The following LRP6 variants were observed in gnomAD, a reference collection of about 807,000 sequenced individuals.
The protein encoded by LRP6 is low-density lipoprotein receptor-related protein 6.
A neutral mutation model predicts 184.1 loss-of-function variants in LRP6; 43 were observed. The observed-to-expected ratio is 0.23, with a 90% CI of 0.18 to 0.30. LRP6 has a LOEUF of 0.30. Ranked by LOEUF, LRP6 falls within the 10% of genes least tolerant of loss-of-function variation. The probability of loss-of-function intolerance (pLI) is 1.00; values close to 1 mark genes in which losing one functional copy is unlikely to be tolerated. For synonymous variants in LRP6, 719 were observed against 684.9 expected (o/e 1.05, Z -0.78); for missense variants, 1,571 against 2,005.3 (o/e 0.78, Z 4.14).
chr12:12,248,471 C>CTTTTTT lies in LRP6; in HGVS notation c.56-3822_56-3817dup, dbSNP rs71061030. Among the ~76,000 whole-genome samples, 31 of 62,794 alleles carry CTTTTTT rather than the reference C, an allele frequency of 4.9e-4. 1 individual carries two copies. The highest frequency in any genetic ancestry group is 1.2e-3 in the African/African-American group (21 of 17,156). The allele number at this position is 62,794 out of a possible 152,430, so 41.2% of individuals were successfully genotyped here. On this transcript the variant is annotated intron_variant, in intron 1 of 22. Coordinates refer to ENST00000261349, the MANE Select transcript of LRP6 (RefSeq NM_002336.3). Reference sequence around the variant, plus strand: ...CAGTGGTCTTTTCTCAGTCTTTACTCTTTTTTTTTTTTTTTTTTTTTTTTT... The same window carrying CTTTTTT: ...CAGTGGTCTTTTCTCAGTCTTTACTCTTTTTTTTTTTTTTTTTTTTTTTTTTTTTTT...
chr12:12,258,304 G>A (rs1167404271), intron 1 of LRP6, among the ~76,000 whole-genome samples: 3 of 152,042 alleles, frequency 2.0e-5, no homozygotes, highest in African/African-American at 7.3e-5. Context: ...TTTTATAGAT[G>A]TTTCCCAGGC....
At chr12:12,209,082 T>C (rs1203839837) in intron 2 of LRP6, among the ~76,000 whole-genome samples, 2 of 152,238 alleles carry the variant, frequency 1.3e-5, no homozygotes, top group African/African-American at 4.8e-5. Context: ...CTCTGCGCCG[T>C]GTGTGCAACA....
intron 3 of LRP6, among the ~76,000 whole-genome samples, chr12:12,195,206 G>A (rs548183191): frequency 4.6e-5 from 7 of 152,168 alleles, no homozygotes; most frequent in African/African-American, 1.7e-4. Flanking sequence ...TTTCCTTTGG[G>A]TAAATGCCAA....
chr12:12,225,219 G>C (rs181526079), intron 2 of LRP6, among the ~76,000 whole-genome samples: 3 of 152,230 alleles, frequency 2.0e-5, no homozygotes, highest in African/African-American at 7.2e-5. Flanking sequence ...CCTGGCCGGG[G>C]TGGACGCAGT....
chr12:12,156,187 A>C (rs1172900131), intron 12 of LRP6, among the ~76,000 whole-genome samples: 2 of 152,230 alleles, frequency 1.3e-5, no homozygotes, highest in Admixed American at 6.5e-5. Context: ...GCATAATTTT[A>C]ATTTTAAATA....
rs75652793 is a variant in LRP6, at chr12:12,184,605, G to A, written c.845-494C>T. 3.0e-3 allele frequency among the ~76,000 whole-genome samples: 464 copies of A among 152,264 alleles called. 3 individuals are homozygous for A. Among genetic ancestry groups the A allele is most frequent in the African/African-American group, 0.011 (437 of 41,552 alleles). On this transcript the variant is annotated intron_variant, in intron 4 of 22. Transcript: ENST00000261349. ...AAGCTATCTGAATAAAACTTTGGGG[G>A]CTATAAACTGGGTAAGATATTAAGG... is the stretch of plus-strand genomic sequence containing the variant.
intron 2 of LRP6, among the ~76,000 whole-genome samples, chr12:12,237,176 A>C (rs1054961323): frequency 6.6e-6 from 1 of 152,212 alleles, no homozygotes; most frequent in Admixed American, 6.5e-5. Context: ...TATTAGAACA[A>C]AAGATGCACC....
intron 15 of LRP6, among the ~76,000 whole-genome samples, chr12:12,146,483 C>G (rs1950008230): frequency 6.6e-6 from 1 of 152,050 alleles, no homozygotes; most frequent in Non-Finnish European, 1.5e-5. Context: ...AAATTGGGGA[C>G]AGAGGAGGTA....
At position 12,121,370 on chromosome 12, in the gene LRP6, C is replaced by T; in HGVS notation, c.4598G>A (p.Ser1533Asn). 2 of 1,614,066 alleles carry T rather than the reference C, an allele frequency of 1.2e-6. No individual in the cohort carries two copies. The highest frequency in any genetic ancestry group is 1.7e-6 in the Non-Finnish European group (2 of 1,180,020). ...ATAGTCACTGTCACAAACATCTGTG[C>T]TGCAGGGTGTGGTGGGGGGTGCAAA... is the stretch of plus-strand genomic sequence containing the variant. ...RHFAPPTTPCSTDVCDSDYAP... is the reference protein window; with the variant it reads ...RHFAPPTTPCNTDVCDSDYAP... The change falls in exon 23 of 23, where the codon AGC becomes AAC. Residue 1533 changes from serine (S) to asparagine (N), a missense_variant. Transcript: ENST00000261349.
At chr12:12,212,474 C>A (rs1267850281) in intron 2 of LRP6, among the ~76,000 whole-genome samples, 2 of 152,192 alleles carry the variant, frequency 1.3e-5, no homozygotes, top group Non-Finnish European at 2.9e-5. Context: ...CTCTAGCCAA[C>A]AACTGCTCGG....
Position 12,211,621 on chromosome 12 carries a change from C to T in LRP6, c.450-8221G>A, listed in dbSNP as rs182640612. On this transcript the variant is annotated intron_variant, in intron 2 of 22. Coordinates refer to ENST00000261349, the MANE Select transcript of LRP6 (RefSeq NM_002336.3). ...CCCTCAATAGGGATAATAATTCTAC[C>T]TAATTACTTGCTTGTGACAGTATGC... Among the ~76,000 whole-genome samples, 221 of 152,268 alleles carry T rather than the reference C, an allele frequency of 1.5e-3. 1 individual carries two copies. Among genetic ancestry groups the T allele is most frequent in the African/African-American group, 4.9e-3 (202 of 41,544 alleles).
chr12:12,211,532 CCTCA>C (rs1224853682), intron 2 of LRP6, among the ~76,000 whole-genome samples: 1 of 152,178 alleles, frequency 6.6e-6, no homozygotes, highest in African/African-American at 2.4e-5. Flanking sequence ...AGCATCCTAA[CCTCA>C]CTGTTTTTCC....
chr12:12,191,352 G>C (rs1863610426), intron 3 of LRP6, among the ~76,000 whole-genome samples: 1 of 152,144 alleles, frequency 6.6e-6, no homozygotes, highest in Non-Finnish European at 1.5e-5. Flanking sequence ...ACAGAAAAAA[G>C]CAGAAAAAGT....
intron 19 of LRP6, among the ~76,000 whole-genome samples, chr12:12,129,990 G>T (rs1264604800): frequency 6.6e-6 from 1 of 152,016 alleles, no homozygotes; most frequent in Non-Finnish European, 1.5e-5. Flanking sequence ...CATAATCAAT[G>T]TATCTACTAT....
chr12:12,150,994 G>A lies in LRP6; in HGVS notation c.2836C>T (p.Arg946Cys), dbSNP rs1950073719. 1.2e-6 allele frequency: 2 copies of A among 1,614,018 alleles called. No individual in the cohort carries two copies. The highest frequency in any genetic ancestry group is 8.5e-7 in the Non-Finnish European group (1 of 1,180,020). The part of the protein sequence containing the change: ...LLFSQKSAIN[R>C]MVIDEQQSPD... The stretch of plus-strand genomic sequence containing the variant: ...CTCTGTTGTTCATCAATCACCATGC[G>A]GTTGATGGCACTCTTTTGACTGAAG... The change falls in exon 13 of 23, where the codon CGC (arginine) becomes TGC (cysteine). Residue 946 changes from arginine to cysteine, a missense_variant. Transcript: ENST00000261349.
rs1865780071 is a variant in LRP6 at position 12,266,804 on chromosome 12, G to A, written c.-69C>T. 7.6e-7 allele frequency: 1 copy of A among 1,315,492 alleles called. No homozygotes were observed. The highest frequency in any genetic ancestry group is 1.8e-5 in the Admixed American group (1 of 54,236). The allele number at this position is 1,315,492 out of a possible 1,614,324, so 81.5% of individuals were successfully genotyped here. A position where few individuals can be genotyped will look rare whatever the true frequency, so the allele number is the denominator to read the frequency against. ...AGAAGTGGGGGAGGCGAGGAGCCGG[G>A]GCGGCCGCCGCAGCGGCAGGGCTGC... is the stretch of plus-strand genomic sequence containing the variant. On this transcript the variant is annotated 5_prime_UTR_variant, in exon 1 of 23. Transcript: ENST00000261349.
At chr12:12,154,198 C>T (rs1950118806) in intron 12 of LRP6, among the ~76,000 whole-genome samples, 1 of 152,222 alleles carries the variant, frequency 6.6e-6, no homozygotes, top group Non-Finnish European at 1.5e-5. Flanking sequence ...GTTCCTCTAA[C>T]ATGTCGGACA....
intron 3 of LRP6, 90 bp downstream of exon 3, chr12:12,203,113 A>C: frequency 1.1e-6 from 1 of 911,846 alleles, no homozygotes; most frequent in Non-Finnish European, 1.6e-6. Context: ...AGTCAAAAAT[A>C]AACATATTTC....
chr12:12,196,218 T>C (rs543198718), intron 3 of LRP6, among the ~76,000 whole-genome samples: 45 of 150,226 alleles, frequency 3.0e-4, no homozygotes, highest in Non-Finnish European at 4.7e-4. Context: ...TTTTTTTTTC[T>C]ATTTCTGTGC....
Sources: allele counts gnomAD v4.1 joint callset (sites outside exome capture counted in the v4.1 genomes callset), GRCh38; gene constraint gnomAD v4.1.1; transcripts MANE v1.5; gene names NCBI Gene and HGNC (gene_info 2026-07-23, HGNC 2026-07-21).